Variants in PUDP observed in about 807,000 individuals in gnomAD.
The protein encoded by PUDP is pseudouridine 5'-phosphatase, also known as pseudouridine-5'-phosphatase.
Under a neutral mutation model 9.4 loss-of-function variants are expected in PUDP, and 8 were observed. The ratio of observed to expected loss-of-function variants is 0.85; its 90% confidence interval spans 0.50 to 1.53. PUDP has a LOEUF of 1.53. Ranked by LOEUF, PUDP falls within the 40% of genes most tolerant of loss-of-function variation. The probability of loss-of-function intolerance (pLI) is 0.00; values close to 1 mark genes in which losing one functional copy is unlikely to be tolerated. For missense variants in PUDP, 188 were observed against 189.7 expected (o/e 0.99, Z 0.05); for synonymous variants, 99 against 80.7 (o/e 1.23, Z -1.22).
At chrX:6,800,256 T>C (rs1386874925) in intron 3 of PUDP, among the ~76,000 whole-genome samples, 1 of 112,038 alleles carries the variant, frequency 8.9e-6, no homozygotes, top group Non-Finnish European at 1.9e-5. Context: ...TTCAAAATAT[T>C]AAATAAGGAA....
chrX:7,095,142 G>A (rs1163270289), intron 2 of PUDP, among the ~76,000 whole-genome samples: 1 of 112,421 alleles, frequency 8.9e-6, no homozygotes, highest in Non-Finnish European at 1.9e-5. Flanking sequence ...TACCTCAACA[G>A]AAGGTCACCG....
intron 3 of PUDP, among the ~76,000 whole-genome samples, chrX:6,749,975 T>A (rs183901523): frequency 1.8e-5 from 2 of 112,151 alleles, no homozygotes; most frequent in East Asian, 5.6e-4. Context: ...CACTGGAGGA[T>A]GACAGAAACC....
At chrX:7,022,886 TC>T (rs1222102829) in intron 1 of PUDP, among the ~76,000 whole-genome samples, 15 of 111,528 alleles carry the variant, frequency 1.3e-4, no homozygotes, top group African/African-American at 4.6e-4. Context: ...AGGACAGTGC[TC>T]CCTGAGAGCC....
chrX:6,727,257 T>C (rs970096334), intron 3 of PUDP, among the ~76,000 whole-genome samples: 10 of 110,914 alleles, frequency 9.0e-5, no homozygotes, highest in Non-Finnish European at 1.3e-4. Flanking sequence ...ATTGCTAAAG[T>C]AGAAAACAAT....
At chrX:7,093,843 T>C (rs1931490931) in intron 2 of PUDP, among the ~76,000 whole-genome samples, 1 of 112,011 alleles carries the variant, frequency 8.9e-6, no homozygotes, top group Non-Finnish European at 1.9e-5. Context: ...TGGTGGCCCA[T>C]TCCTGTAATC....
At chrX:7,088,208 A>G (rs771347260) in intron 2 of PUDP, among the ~76,000 whole-genome samples, 6 of 112,365 alleles carry the variant, frequency 5.3e-5, no homozygotes, top group African/African-American at 1.9e-4. Context: ...GCATTTCTAC[A>G]TTAGTTTTTA....
chrX:6,946,734 G>A (rs761908858), intron 3 of PUDP, among the ~76,000 whole-genome samples: 1 of 111,584 alleles, frequency 9.0e-6, no homozygotes, highest in South Asian at 3.7e-4. Context: ...TCACAAAGCA[G>A]CGATTACATA....
chrX:6,862,330 T>C (rs1927014106), intron 3 of PUDP, among the ~76,000 whole-genome samples: 1 of 111,922 alleles, frequency 8.9e-6, no homozygotes, highest in Admixed American at 9.5e-5. Context: ...AAGCACTCAA[T>C]CCTTTTGTTA....
intron 3 of PUDP, among the ~76,000 whole-genome samples, chrX:6,870,484 C>T (rs984042069): frequency 9.0e-6 from 1 of 111,653 alleles, no homozygotes; most frequent in South Asian, 3.8e-4. Context: ...TGCTGCCATC[C>T]ATGTAAGATG....
intron 3 of PUDP, among the ~76,000 whole-genome samples, chrX:6,763,116 C>T (rs781428317): frequency 1.1e-4 from 12 of 112,222 alleles, no homozygotes; most frequent in Non-Finnish European, 2.3e-4. Context: ...CAGGGAGGCA[C>T]GATGCCTCCT....
At chrX:7,051,436 T>C (rs190279221) in intron 3 of PUDP, among the ~76,000 whole-genome samples, 1 of 111,535 alleles carries the variant, frequency 9.0e-6, no homozygotes, top group Admixed American at 9.5e-5. Context: ...GTGCACACTG[T>C]TCGGTTGACG....
chrX:7,107,312 C>T (rs2146900054), intron 1 of PUDP, among the ~76,000 whole-genome samples: 1 of 112,144 alleles, frequency 8.9e-6, no homozygotes, highest in Admixed American at 9.4e-5. Flanking sequence ...ATAATCATCC[C>T]TAAATACTAG....
intron 3 of PUDP, among the ~76,000 whole-genome samples, chrX:6,816,755 G>A (rs1424713194): frequency 2.2e-5 from 2 of 90,106 alleles, no homozygotes; most frequent in African/African-American, 8.4e-5. Flanking sequence ...ATACGATATA[G>A]TATATACAAT....
At chrX:7,118,407 C>T (rs1932253841) in intron 1 of PUDP, among the ~76,000 whole-genome samples, 1 of 112,096 alleles carries the variant, frequency 8.9e-6, no homozygotes, top group African/African-American at 3.2e-5. Flanking sequence ...ATCCAACTTG[C>T]CTTCCATGAA....
At chrX:6,826,873 A>G (rs903682131) in intron 3 of PUDP, among the ~76,000 whole-genome samples, 3 of 111,844 alleles carry the variant, frequency 2.7e-5, no homozygotes, top group Admixed American at 9.5e-5. Context: ...TCCTGGAGAA[A>G]CTAGGGTGAA....
In PUDP at chrX:7,105,627, G is replaced by A; in HGVS notation, c.273C>T (p.Leu91=). Residue 91 remains leucine, a synonymous_variant, in exon 2 of 4, where the codon CTC becomes CTT. Coordinates refer to ENST00000381077, the MANE Select transcript of PUDP (RefSeq NM_012080.5). The part of the protein sequence containing the change: ...KLKEVFPTAA[L]MPGAEKLIIH... The stretch of plus-strand genomic sequence containing the variant: ...ACAGCGAGGCAACCGCACCTGGCAT[G>A]AGCGCAGCCGTGGGGAACACTTCCT... The A allele has an allele frequency of 8.3e-7, 1 of 1,201,798 alleles. No individual in the cohort carries two copies. Among genetic ancestry groups the A allele is most frequent in the Non-Finnish European group, 1.1e-6 (1 of 890,236 alleles).
chrX:6,945,549 T>C (rs968560826), intron 3 of PUDP, among the ~76,000 whole-genome samples: 26 of 111,518 alleles, frequency 2.3e-4, no homozygotes, highest in African/African-American at 7.2e-4. Flanking sequence ...ATCTAAATGG[T>C]CAATATACAC....
intron 1 of PUDP, among the ~76,000 whole-genome samples, chrX:7,002,132 G>GA (rs1369046921): frequency 9.0e-6 from 1 of 110,870 alleles, no homozygotes; most frequent in Non-Finnish European, 1.9e-5. Context: ...CCACCCAACA[G>GA]AAAAAAATAA....
intron 3 of PUDP, among the ~76,000 whole-genome samples, chrX:6,899,673 A>AGATGATGAT (rs72211121): frequency 1.5e-3 from 157 of 105,357 alleles, no homozygotes; most frequent in South Asian, 5.1e-3. Context: ...TCTGTGATAG[A>AGATGATGAT]GATGATGATG....
Sources: allele counts gnomAD v4.1 joint callset (sites outside exome capture counted in the v4.1 genomes callset), GRCh38; gene constraint gnomAD v4.1.1; transcripts MANE v1.5; gene names NCBI Gene and HGNC (gene_info 2026-07-23, HGNC 2026-07-21).